HECW1: variants seen among roughly 807,000 people sequenced by gnomAD.
HECW1 encodes the protein HECT, C2 and WW domain containing E3 ubiquitin protein ligase 1.
In HECW1, 61 loss-of-function variants were observed where a neutral mutation model predicts 182.3. The ratio of observed to expected loss-of-function variants is 0.33; its 90% CI spans 0.27 to 0.41. The LOEUF is 0.41. Ranked by LOEUF, HECW1 falls within the 10% of genes least tolerant of loss-of-function variation. HECW1 has a pLI of 1.00. For missense variants in HECW1, 1,739 were observed against 2,108.9 expected, an observed-to-expected ratio of 0.82 and a Z score of 3.44; for synonymous variants, 859 against 832.6, an observed-to-expected ratio of 1.03 and a Z score of -0.55.
chr7:43,559,136 A>C (rs563617733), intron 29 of HECW1, among the ~76,000 whole-genome samples: 1 of 152,292 alleles, frequency 6.6e-6, no homozygotes, highest in African/African-American at 2.4e-5. Flanking sequence ...TTAACATTTC[A>C]ATCTATAACT....
In HECW1 at chr7:43,361,057, CGTGTGTGTGTGT is replaced by C. The variant is rs3032904; in HGVS notation, c.555+98_555+109del. 1.0e-3 allele frequency: 655 copies of C among 637,980 alleles called. 2 individuals are homozygous for C. Among genetic ancestry groups the C allele is most frequent in the Non-Finnish European group, 1.1e-3 (401 of 361,166 alleles). 39.5% of individuals were successfully genotyped at this position (637,980 alleles called of 1,614,324 possible). A position where few individuals can be genotyped will look rare whatever the true frequency, so the allele number is the denominator to read the frequency against. On this transcript the variant is annotated intron_variant, in intron 6 of 29. Transcript: ENST00000395891. ...CTTTCCTATTTTGTTCTTGTGCGTG[CGTGTGTGTGTGT>C]GTGTGTGTGTGTGTGTGTGTACGTG...
chr7:43,177,974 G>A (rs1792423584), intron 2 of HECW1, among the ~76,000 whole-genome samples: 1 of 152,154 alleles, frequency 6.6e-6, no homozygotes, highest in African/African-American at 2.4e-5. Context: ...TCAGACATCT[G>A]TTTGATCTCC....
intron 3 of HECW1, among the ~76,000 whole-genome samples, chr7:43,298,792 C>T (rs1245801639): frequency 2.0e-5 from 3 of 152,198 alleles, no homozygotes; most frequent in East Asian, 1.9e-4. Flanking sequence ...AGCTGGTCTC[C>T]GTTGCCACCA....
At position 43,478,372 on chromosome 7, in the gene HECW1, C is replaced by T. The variant is rs139633820; in HGVS notation, c.3100-1238C>T. On this transcript the variant is annotated intron_variant, in intron 16 of 29. Coordinates refer to ENST00000395891, the MANE Select transcript of HECW1 (RefSeq NM_015052.5). ...CAGAGGTTGCAGTGAGCTGAGATCG[C>T]GCCACTGCACTCCAGCCTGGGTGAC... Among the ~76,000 whole-genome samples, 642 of 152,162 alleles carry T rather than the reference C, an allele frequency of 4.2e-3. 8 individuals are homozygous for T. The highest frequency in any genetic ancestry group is 0.014 in the African/African-American group (572 of 41,478).
intron 29 of HECW1, 26 bp downstream of exon 29, chr7:43,554,816 G>A: frequency 6.2e-7 from 1 of 1,602,312 alleles, no homozygotes; most frequent in East Asian, 2.2e-5. Flanking sequence ...CAGCCTTCGG[G>A]GAAACCTGCT....
chr7:43,230,514 T>C (rs1220033560), intron 2 of HECW1, among the ~76,000 whole-genome samples: 2 of 152,310 alleles, frequency 1.3e-5, no homozygotes, highest in Admixed American at 1.3e-4. Context: ...ATTGAGAACA[T>C]TGATGAGATC....
At chr7:43,500,315 G>A (rs1343231775) in intron 19 of HECW1, among the ~76,000 whole-genome samples, 1 of 151,976 alleles carries the variant, frequency 6.6e-6, no homozygotes, top group Non-Finnish European at 1.5e-5. Context: ...CCTCAGGCTG[G>A]TCTTGAACTC....
chr7:43,276,739 A>G (rs1304536584), intron 3 of HECW1, among the ~76,000 whole-genome samples: 1 of 152,208 alleles, frequency 6.6e-6, no homozygotes, highest in Non-Finnish European at 1.5e-5. Flanking sequence ...CTGACGATTT[A>G]TAGTACGTAC....
intron 2 of HECW1, among the ~76,000 whole-genome samples, chr7:43,173,144 A>G (rs948164088): frequency 6.6e-6 from 1 of 152,240 alleles, no homozygotes; most frequent in South Asian, 2.1e-4. Context: ...GGGGAAAATT[A>G]AAACAAAGAT....
chr7:43,245,366 G>C (rs527994502), intron 3 of HECW1: 1 of 152,120 alleles, frequency 6.6e-6, no homozygotes, highest in Non-Finnish European at 1.5e-5. Flanking sequence ...CTTGGACTTC[G>C]GTGTTTTCTC....
intron 2 of HECW1, among the ~76,000 whole-genome samples, chr7:43,222,641 A>C (rs1797083484): frequency 2.0e-5 from 3 of 152,178 alleles, no homozygotes; most frequent in African/African-American, 7.2e-5. Context: ...AGTAGGGGGA[A>C]GCTTGCTAAC....
intron 2 of HECW1, among the ~76,000 whole-genome samples, chr7:43,125,425 A>G (rs1019921700): frequency 1.3e-5 from 2 of 152,090 alleles, no homozygotes; most frequent in African/African-American, 4.8e-5. Flanking sequence ...TGATTCAATA[A>G]CAATATATAT....
chr7:43,129,858 A>G (rs1786711103), intron 2 of HECW1, among the ~76,000 whole-genome samples: 1 of 152,194 alleles, frequency 6.6e-6, no homozygotes, highest in South Asian at 2.1e-4. Flanking sequence ...TATACTTCAA[A>G]TCATCTCAAG....
intron 5 of HECW1, among the ~76,000 whole-genome samples, chr7:43,350,502 A>G (rs1814291045): frequency 6.6e-6 from 1 of 152,050 alleles, no homozygotes; most frequent in Non-Finnish European, 1.5e-5. Flanking sequence ...TATCGTTTAT[A>G]TTTAGGTTTG....
intron 24 of HECW1, among the ~76,000 whole-genome samples, chr7:43,540,621 T>C (rs13239366): frequency 0.16 from 23,732 of 152,158 alleles, 2,176 homozygotes; most frequent in East Asian, 0.34. Context: ...AAGAGTGATG[T>C]TCATTCAGCT....
At chr7:43,311,702 A>C in intron 3 of HECW1, 61 bp from the exon 4 acceptor site, 1 of 1,494,310 alleles carries the variant, frequency 6.7e-7, no homozygotes, top group African/African-American at 1.4e-5. Context: ...TTTTCGTGTG[A>C]TGACGGTGAC....
chr7:43,292,692 A>ATTAAGGCTTC (rs1805538806), intron 3 of HECW1, among the ~76,000 whole-genome samples: 1 of 152,094 alleles, frequency 6.6e-6, no homozygotes, highest in African/African-American at 2.4e-5. Context: ...TCCATTCAGC[A>ATTAAGGCTTC]CATGTCACCC....
chr7:43,513,085 G>A (rs1043453996), intron 24 of HECW1, among the ~76,000 whole-genome samples: 1 of 152,064 alleles, frequency 6.6e-6, no homozygotes, highest in East Asian at 1.9e-4. Context: ...ACATCTCCCC[G>A]ACCACTGGGT....
rs113041729 is a variant in HECW1, at chr7:43,286,682, C to G, written c.28-25081C>G. On this transcript the variant is annotated intron_variant, in intron 3 of 29. Transcript: ENST00000395891. ...AAAGTTCAAACTGCCACCCACCCCC[C>G]CAAAGGTGTTTGGGAGGAGGGATAT... is the stretch of plus-strand genomic sequence containing the variant. Among the ~76,000 whole-genome samples, 500 of 152,202 alleles carry G rather than the reference C, an allele frequency of 3.3e-3. 2 individuals are homozygous for G. The highest frequency in any genetic ancestry group is 0.011 in the African/African-American group (462 of 41,522).
Sources: gnomAD v4.1 joint callset for allele counts (sites outside exome capture counted in the v4.1 genomes callset) on GRCh38, gnomAD v4.1.1 for gene constraint, MANE v1.5 for transcripts, NCBI Gene and HGNC (gene_info 2026-07-23, HGNC 2026-07-21) for gene names.